PRKAR1A: variants seen among roughly 807,000 people sequenced by gnomAD.
The protein encoded by PRKAR1A is cAMP-dependent protein kinase type I-alpha regulatory subunit.
A neutral mutation model predicts 52.0 loss-of-function variants in PRKAR1A; 3 were observed. The ratio of observed to expected loss-of-function variants is 0.06; its 90% CI spans 0.03 to 0.15. The LOEUF (loss-of-function observed/expected upper bound fraction) is 0.15, where lower values mean the gene tolerates loss of function less well. Ranked by LOEUF, PRKAR1A falls within the 10% of genes least tolerant of loss-of-function variation. The pLI is 1.00. For missense variants in PRKAR1A, 240 were observed against 477.4 expected (o/e 0.50, Z 4.63); for synonymous variants, 188 against 168.4 (o/e 1.12, Z -0.90).
the PRKAR1A span, among the ~76,000 whole-genome samples, chr17:68,467,327 G>A: frequency 6.6e-5 from 10 of 152,154 alleles, no homozygotes; most frequent in African/African-American, 2.4e-4. Flanking sequence ...AACTTTTTGA[G>A]GAACTGCAAA....
At chr17:68,471,919 G>T in the PRKAR1A span, among the ~76,000 whole-genome samples, 1 of 152,058 alleles carries the variant, frequency 6.6e-6, no homozygotes, top group Non-Finnish European at 1.5e-5. Context: ...TCCTGCCTCA[G>T]CCTCCCGAGT....
At chr17:68,420,294 GAGGTGGTGCGGAGTACC>G in the PRKAR1A span, 2 of 1,614,030 alleles carry the variant, frequency 1.2e-6, no homozygotes, top group East Asian at 2.2e-5. Flanking sequence ...CCCCTAGAAA[GAGGTGGTGCGGAGTACC>G]AGGCTGTGCT....
Position 68,532,699 on chromosome 17 carries a change from C to CT in PRKAR1A, c.*2257dup, listed in dbSNP as rs1321628071. 7 of 1,066,226 alleles carry CT rather than the reference C, an allele frequency of 6.6e-6. No individual in the cohort carries two copies. The highest frequency in any genetic ancestry group is 5.0e-5 in the East Asian group (1 of 20,102). 66.0% of individuals were successfully genotyped at this position (1,066,226 alleles called of 1,614,324 possible). Reference sequence around the variant, plus strand: ...TGATTATACCATGTGTGCTAATATACTTTTTTTGTTATAGATTGTCTTAAT... The same window carrying CT: ...TGATTATACCATGTGTGCTAATATACTTTTTTTTGTTATAGATTGTCTTAAT... On this transcript the variant is annotated 3_prime_UTR_variant, in exon 11 of 11. Coordinates refer to ENST00000589228, the MANE Select transcript of PRKAR1A (RefSeq NM_002734.5).
intron 11 of PRKAR1A, chr17:68,541,304 C>T (rs2086280883): frequency 2.4e-5 from 8 of 340,120 alleles, no homozygotes; most frequent in South Asian, 5.5e-5. Context: ...TTGGACCCTG[C>T]GCCACTCATA....
the PRKAR1A span, among the ~76,000 whole-genome samples, chr17:68,499,543 T>G: frequency 0.11 from 17,375 of 152,248 alleles, 1,011 homozygotes; most frequent in Middle Eastern, 0.15. Flanking sequence ...TCCGACCAGA[T>G]GGGCTATCCA....
chr17:68,536,795 G>A (rs780447658), downstream of PRKAR1A: 3 of 453,760 alleles, frequency 6.6e-6, no homozygotes, highest in African/African-American at 2.0e-5. Context: ...TGACATATTT[G>A]ATGTTATTTC....
chr17:68,482,471 C>T, the PRKAR1A span, among the ~76,000 whole-genome samples: 38,283 of 151,976 alleles, frequency 0.25, 4,856 homozygotes, highest in South Asian at 0.28. Context: ...ACTTTTTTTA[C>T]GGTGCTGTAA....
the PRKAR1A span, chr17:68,426,254 G>GCCCCCCCCCCC: frequency 1.2e-6 from 1 of 816,876 alleles, no homozygotes; most frequent in East Asian, 3.5e-5. Context: ...GGGAGCGGGG[G>GCCCCCCCCCCC]CTCAAATAAA....
chr17:68,452,956 C>G, the PRKAR1A span: 1 of 1,614,114 alleles, frequency 6.2e-7, no homozygotes, highest in Non-Finnish European at 8.5e-7. Context: ...TCAGAGAAAA[C>G]AGCTTATACC....
the PRKAR1A span, among the ~76,000 whole-genome samples, chr17:68,459,903 C>T: frequency 6.6e-6 from 1 of 151,028 alleles, no homozygotes; most frequent in Admixed American, 6.6e-5. Flanking sequence ...TCACTGCAAC[C>T]TCTCCATCCC....
At chr17:68,434,649 A>G in the PRKAR1A span, 1 of 1,613,226 alleles carries the variant, frequency 6.2e-7, no homozygotes, top group Non-Finnish European at 8.5e-7. Context: ...GCAGGTGGAC[A>G]TTTCATAACC....
chr17:68,521,897 T>A (rs190894580), intron 2 of PRKAR1A, among the ~76,000 whole-genome samples: 6 of 152,368 alleles, frequency 3.9e-5, no homozygotes, highest in Admixed American at 6.5e-5. Flanking sequence ...CAACAACTAA[T>A]TCTTTAGATC....
the PRKAR1A span, chr17:68,426,253 G>T: frequency 2.4e-6 from 2 of 841,012 alleles, no homozygotes. Context: ...GGGGAGCGGG[G>T]GCTCAAATAA....
rs1364657591 is a variant in PRKAR1A, at chr17:68,533,344, T to G, written c.*2895T>G. ...TTTAAATTGTGTTGCTTTGAACATG[T>G]GTACCTTTTCTAGATTCAGTAATCC... On this transcript the variant is annotated 3_prime_UTR_variant, in exon 11 of 11. Coordinates refer to ENST00000589228, the MANE Select transcript of PRKAR1A (RefSeq NM_002734.5). 2 of 1,062,580 alleles carry G rather than the reference T, an allele frequency of 1.9e-6. No individual in the cohort carries two copies. The highest frequency in any genetic ancestry group is 2.3e-6 in the Non-Finnish European group (2 of 877,456). 65.8% of individuals were successfully genotyped at this position (1,062,580 alleles called of 1,614,324 possible).
chr17:68,537,578 C>G, downstream of PRKAR1A: 1 of 1,613,422 alleles, frequency 6.2e-7, no homozygotes, highest in Non-Finnish European at 8.5e-7. This position sits in a 1 kb window ranked among gnomAD's most constrained non-coding sequence, Gnocchi z 4.2. Context: ...CACCCCTCCA[C>G]TGTCCTTAGG....
At chr17:68,436,314 T>C in the PRKAR1A span, 1 of 1,457,892 alleles carries the variant, frequency 6.9e-7, no homozygotes, top group East Asian at 2.3e-5. Flanking sequence ...GGCGTCCTTA[T>C]CTATCTCCTT....
At chr17:68,459,457 C>A in the PRKAR1A span, among the ~76,000 whole-genome samples, 1 of 152,148 alleles carries the variant, frequency 6.6e-6, no homozygotes, top group Non-Finnish European at 1.5e-5. Flanking sequence ...AGGAGTGTTT[C>A]ATGATAAAAA....
At chr17:68,464,449 G>A in the PRKAR1A span, among the ~76,000 whole-genome samples, 26 of 152,118 alleles carry the variant, frequency 1.7e-4, no homozygotes, top group African/African-American at 6.0e-4. Context: ...TGACATTGCC[G>A]AGGCGGATGG....
the PRKAR1A span, among the ~76,000 whole-genome samples, chr17:68,466,411 T>C: frequency 4.8e-4 from 64 of 132,752 alleles, no homozygotes; most frequent in Non-Finnish European, 8.2e-4. Flanking sequence ...TTCTCTCTCT[T>C]TTTTTTTTTT....
Sources: allele counts gnomAD v4.1 joint callset (sites outside exome capture counted in the v4.1 genomes callset), GRCh38; gene constraint gnomAD v4.1.1; non-coding constraint Gnocchi (gnomAD v3.1); transcripts MANE v1.5; gene names NCBI Gene and HGNC (gene_info 2026-07-23, HGNC 2026-07-21).